Variants in DCUN1D5 observed in about 807,000 individuals in gnomAD.
DCUN1D5 encodes the protein DCN1-like protein 5.
Under a neutral mutation model 38.3 loss-of-function variants are expected in DCUN1D5, and 10 were observed. The ratio of observed to expected loss-of-function variants is 0.26; its 90% CI spans 0.16 to 0.44. The LOEUF (loss-of-function observed/expected upper bound fraction) is 0.44. Ranked by LOEUF, DCUN1D5 falls within the 20% of genes least tolerant of loss-of-function variation. DCUN1D5 has a pLI of 1.00. For missense variants in DCUN1D5, 148 were observed against 275.3 expected (o/e 0.54, Z 3.27); for synonymous variants, 93 against 90.9 (o/e 1.02, Z -0.13).
At position 103,062,498 on chromosome 11, in the gene DCUN1D5, T is replaced by C; in HGVS notation, c.659-84A>G. The C allele has an allele frequency of 8.5e-7, 1 of 1,180,160 alleles. No homozygotes were observed. Among genetic ancestry groups the C allele is most frequent in the South Asian group, 1.3e-5 (1 of 75,296 alleles). 73.1% of individuals were successfully genotyped at this position (1,180,160 alleles called of 1,614,324 possible). A position where few individuals can be genotyped will look rare whatever the true frequency, so the allele number is the denominator to read the frequency against. ...AACAAACTCCCCACGAGCTCTGCAA[T>C]GACAGAGGAATGACCCTTCCTTTCT... On this transcript the variant is annotated intron_variant, in intron 7 of 7. Coordinates refer to ENST00000260247, the MANE Select transcript of DCUN1D5 (RefSeq NM_032299.4). The surrounding 1 kb of genome is among the most constrained non-coding windows in gnomAD (Gnocchi z 4.6).
Position 103,071,817 on chromosome 11 carries a change from TTTCAC to T in DCUN1D5, c.342-5255_342-5251del, listed in dbSNP as rs1446022966. 6.6e-6 allele frequency among the ~76,000 whole-genome samples: 1 copy of T among 150,996 alleles called. No individual in the cohort carries two copies. The highest frequency in any genetic ancestry group is 1.5e-5 in the Non-Finnish European group (1 of 67,694). On this transcript the variant is annotated intron_variant, in intron 4 of 7. Transcript: ENST00000260247. This position sits in a 1 kb window ranked among gnomAD's most constrained non-coding sequence, Gnocchi z 4.1. ...AAAAAGAAACTCCAGGAACAGATGG[TTTCAC>T]TACAGAATTATACCAAACCTTTAAA...
rs1862124864 is a variant in DCUN1D5 at position 103,066,005 on chromosome 11, AAATGTCTGTGATAC to A, written c.555+250_555+263del. ...CCCCGAGAAACTAATTCTGCAAGAC[AAATGTCTGTGATAC>A]AATGTATTTCTTGGAGGTTTCTTTT... On this transcript the variant is annotated intron_variant, in intron 6 of 7. Transcript: ENST00000260247. This position sits in a 1 kb window ranked among gnomAD's most constrained non-coding sequence, Gnocchi z 4.7. Among the ~76,000 whole-genome samples, 1 of 152,038 alleles carries A rather than the reference AAATGTCTGTGATAC, an allele frequency of 6.6e-6. No homozygotes were observed. Among genetic ancestry groups the A allele is most frequent in the Non-Finnish European group, 1.5e-5 (1 of 67,988 alleles).
At chr11:103,082,867 G>A (rs944713676) in intron 3 of DCUN1D5, 28 bp from the exon 4 acceptor site, 1 of 1,557,414 alleles carries the variant, frequency 6.4e-7, no homozygotes, top group Non-Finnish European at 8.8e-7. Flanking sequence ...TAAAGGATAG[G>A]GGAAAAGTCA....
Position 103,062,271 on chromosome 11 carries a change from G to C in DCUN1D5, c.*88C>G. 7.9e-7 allele frequency: 1 copy of C among 1,259,704 alleles called. No individual in the cohort carries two copies. The highest frequency in any genetic ancestry group is 1.5e-5 in the African/African-American group (1 of 66,666). 78.0% of individuals were successfully genotyped at this position (1,259,704 alleles called of 1,614,324 possible). A position where few individuals can be genotyped will look rare whatever the true frequency, so the allele number is the denominator to read the frequency against. On this transcript the variant is annotated 3_prime_UTR_variant, in exon 8 of 8. Coordinates refer to ENST00000260247, the MANE Select transcript of DCUN1D5 (RefSeq NM_032299.4). The surrounding 1 kb of genome is among the most constrained non-coding windows in gnomAD (Gnocchi z 4.6). ...AGAAGTCTTTCATATGAATGAAAATGCACCCGTTGGATTTTTTTCCCCCTC... is the reference window on the plus strand; with the variant it reads ...AGAAGTCTTTCATATGAATGAAAATCCACCCGTTGGATTTTTTTCCCCCTC...
At chr11:103,068,377 G>C (rs1241118921) in intron 4 of DCUN1D5, among the ~76,000 whole-genome samples, 1 of 152,120 alleles carries the variant, frequency 6.6e-6, no homozygotes, top group Non-Finnish European at 1.5e-5. Flanking sequence ...ATATGCAGGT[G>C]AATGTTCATT....
rs746448262 is a variant in DCUN1D5 at position 103,081,006 on chromosome 11, T to TA, written c.341+1741dup. On this transcript the variant is annotated intron_variant, in intron 4 of 7. Coordinates refer to ENST00000260247, the MANE Select transcript of DCUN1D5 (RefSeq NM_032299.4). Reference sequence around the variant, plus strand: ...CCTGGCGACAAAGCAAGACTCCGTCTAAAAAAAAAAAAAAACATGCTCATG... The same window carrying TA: ...CCTGGCGACAAAGCAAGACTCCGTCTAAAAAAAAAAAAAAAACATGCTCATG... Among the ~76,000 whole-genome samples the TA allele has an allele frequency of 2.9e-3, 400 of 138,502 alleles. 1 individual carries two copies. The highest frequency in any genetic ancestry group is 3.7e-3 in the Middle Eastern group (1 of 268). 90.9% of individuals were successfully genotyped at this position (138,502 alleles called of 152,430 possible).
At chr11:103,085,229 G>A (rs796881948) in intron 2 of DCUN1D5, among the ~76,000 whole-genome samples, 155 of 152,264 alleles carry the variant, frequency 1.0e-3, no homozygotes, top group African/African-American at 3.7e-3. Flanking sequence ...TACGAGGTCA[G>A]GATTTCAAGA....
chr11:103,067,969 G>T (rs138052318), intron 4 of DCUN1D5, among the ~76,000 whole-genome samples: 5 of 152,194 alleles, frequency 3.3e-5, no homozygotes, highest in African/African-American at 1.2e-4. Flanking sequence ...CCAAACTCAG[G>T]TGAGTATTGA....
rs1862725619 is a variant in DCUN1D5, at chr11:103,086,970, C to T, written c.178+2257G>A. ...AGAAGGACCTGGGTTTGAATCCTGG[C>T]TCTTGTCACTATATGATCTTGGGCA... is the stretch of plus-strand genomic sequence containing the variant. On this transcript the variant is annotated intron_variant, in intron 2 of 7. Transcript: ENST00000260247. This position sits in a 1 kb window ranked among gnomAD's most constrained non-coding sequence, Gnocchi z 4.1. Among the ~76,000 whole-genome samples the T allele has an allele frequency of 6.6e-6, 1 of 151,824 alleles. No individual in the cohort carries two copies. The highest frequency in any genetic ancestry group is 1.5e-5 in the Non-Finnish European group (1 of 67,958).
chr11:103,070,931 C>T (rs1423661365), intron 4 of DCUN1D5, among the ~76,000 whole-genome samples: 1 of 152,034 alleles, frequency 6.6e-6, no homozygotes, highest in Admixed American at 6.6e-5. Flanking sequence ...GCAAAATCTC[C>T]AAACACTTGG....
chr11:103,072,559 C>T (rs1784061200), intron 4 of DCUN1D5, among the ~76,000 whole-genome samples: 1 of 152,040 alleles, frequency 6.6e-6, no homozygotes, highest in Non-Finnish European at 1.5e-5. Flanking sequence ...GGCACATACA[C>T]ACCATGGAAT....
In DCUN1D5 at chr11:103,077,874, A is replaced by G. The variant is rs935331644; in HGVS notation, c.341+4874T>C. 2.6e-5 allele frequency among the ~76,000 whole-genome samples: 4 copies of G among 152,178 alleles called. No individual in the cohort carries two copies. Among genetic ancestry groups the G allele is most frequent in the Non-Finnish European group, 5.9e-5 (4 of 68,030 alleles). ...AAAATGTGCAGAGGGGCATTTTGAA[A>G]TTGTCATAATGACCTTAAGAGAGAA... On this transcript the variant is annotated intron_variant, in intron 4 of 7. Transcript: ENST00000260247. This position sits in a 1 kb window ranked among gnomAD's most constrained non-coding sequence, Gnocchi z 4.3.
intron 4 of DCUN1D5, among the ~76,000 whole-genome samples, chr11:103,079,040 C>T (rs1053049309): frequency 5.3e-5 from 8 of 152,182 alleles, no homozygotes; most frequent in Non-Finnish European, 8.8e-5. Flanking sequence ...AGGAGGCAAG[C>T]GGCAGGCGAG....
rs1022761250 is a variant in DCUN1D5 at position 103,060,998 on chromosome 11, C to T, written c.*1361G>A. On this transcript the variant is annotated 3_prime_UTR_variant, in exon 8 of 8. Coordinates refer to ENST00000260247, the MANE Select transcript of DCUN1D5 (RefSeq NM_032299.4). ...CTGTCTCCCACTATTATGGGTGTTT[C>T]AGAAAACTGTACAAAGTAATCTTAT... is the stretch of plus-strand genomic sequence containing the variant. Among the ~76,000 whole-genome samples, 3 of 152,054 alleles carry T rather than the reference C, an allele frequency of 2.0e-5. No individual in the cohort carries two copies. Among genetic ancestry groups the T allele is most frequent in the African/African-American group, 7.2e-5 (3 of 41,408 alleles).
chr11:103,063,628 C>A lies in DCUN1D5; in HGVS notation c.658+647G>T, dbSNP rs1041876529. The stretch of plus-strand genomic sequence containing the variant: ...GAACACTGAAAACACATGCAACCAA[C>A]CAAAATGGTGGTTGGAACTGAAAAA... On this transcript the variant is annotated intron_variant, in intron 7 of 7. Coordinates refer to ENST00000260247, the MANE Select transcript of DCUN1D5 (RefSeq NM_032299.4). The surrounding 1 kb of genome is among the most constrained non-coding windows in gnomAD (Gnocchi z 4.6). Among the ~76,000 whole-genome samples, 2 of 151,998 alleles carry A rather than the reference C, an allele frequency of 1.3e-5. No homozygotes were observed. The highest frequency in any genetic ancestry group is 2.9e-5 in the Non-Finnish European group (2 of 67,954).
chr11:103,079,870 T>C (rs897208410), intron 4 of DCUN1D5: 7 of 152,164 alleles, frequency 4.6e-5, no homozygotes, highest in Admixed American at 6.5e-5. Context: ...GAAGAATAGA[T>C]GTGAAAAGCA....
Position 103,083,159 on chromosome 11 carries a change from A to T in DCUN1D5, c.249+97T>A, listed in dbSNP as rs1337859537. The stretch of plus-strand genomic sequence containing the variant: ...TTTACAATATTAAACATGAAGAAAT[A>T]AAATCTTCATACAAGATTAAAGTGT... On this transcript the variant is annotated intron_variant, in intron 3 of 7. Coordinates refer to ENST00000260247, the MANE Select transcript of DCUN1D5 (RefSeq NM_032299.4). This position sits in a 1 kb window ranked among gnomAD's most constrained non-coding sequence, Gnocchi z 4.4. The T allele has an allele frequency of 4.4e-6, 3 of 677,066 alleles. No individual in the cohort carries two copies. The African/African-American group carries it at 5.4e-5, about 12-fold the overall frequency. The allele number at this position is 677,066 out of a possible 1,614,324, so 41.9% of individuals were successfully genotyped here. A position where few individuals can be genotyped will look rare whatever the true frequency, so the allele number is the denominator to read the frequency against.
intron 4 of DCUN1D5, among the ~76,000 whole-genome samples, chr11:103,072,108 C>T (rs1450092028): frequency 6.6e-6 from 1 of 151,514 alleles, no homozygotes; most frequent in African/African-American, 2.4e-5. Context: ...TTACAGGTAA[C>T]ATAACAGTGA....
rs1056013907 is a variant in DCUN1D5, at chr11:103,052,992, A to G, written c.*9367T>C. 1 of 152,112 alleles carries G rather than the reference A, an allele frequency of 6.6e-6. No homozygotes were observed. The highest frequency in any genetic ancestry group is 2.4e-5 in the African/African-American group (1 of 41,434). 9.4% of individuals were successfully genotyped at this position (152,112 alleles called of 1,614,324 possible). On this transcript the variant is annotated 3_prime_UTR_variant, in exon 8 of 8. Coordinates refer to ENST00000260247, the MANE Select transcript of DCUN1D5 (RefSeq NM_032299.4). ...AAGACAGGGAGCTTCCCACTTAACC[A>G]GAGTATTTTAGCTTTCTGTTTTAAA...
Sources: gnomAD v4.1 joint callset for allele counts (sites outside exome capture counted in the v4.1 genomes callset) on GRCh38, gnomAD v4.1.1 for gene constraint, Gnocchi (gnomAD v3.1) non-coding constraint, MANE v1.5 for transcripts, NCBI Gene and HGNC (gene_info 2026-07-23, HGNC 2026-07-21) for gene names.